CCDC30: variants seen among roughly 807,000 people sequenced by gnomAD.
The protein encoded by CCDC30 is coiled-coil domain-containing protein 30.
In CCDC30, 70 loss-of-function variants were observed where a neutral mutation model predicts 100.2. That is an observed-to-expected ratio of 0.70 (90% CI 0.58 to 0.85). CCDC30 has a LOEUF of 0.85. CCDC30 is among the 40% of genes least tolerant of loss of function. CCDC30 has a pLI of 0.00. For missense variants in CCDC30, 652 were observed against 771.2 expected (o/e 0.85, Z 1.83); for synonymous variants, 233 against 269.5 (o/e 0.86, Z 1.33).
chr1:42,589,503 T>C lies in CCDC30; in HGVS notation c.1164+20T>C. 6.2e-7 allele frequency: 1 copy of C among 1,601,110 alleles called. No homozygotes were observed. Among genetic ancestry groups the C allele is most frequent in the Non-Finnish European group, 8.6e-7 (1 of 1,169,386 alleles). On this transcript the variant is annotated intron_variant, in intron 10 of 16. Coordinates refer to ENST00000668663, the Ensembl canonical transcript of CCDC30. ...GATGAGGTAAGAAAGTAAATAGACATGCTTCTCAGTTTTCCTATTCCCATT... is the reference window on the plus strand; with the variant it reads ...GATGAGGTAAGAAAGTAAATAGACACGCTTCTCAGTTTTCCTATTCCCATT...
intron 6 of CCDC30, among the ~76,000 whole-genome samples, chr1:42,516,344 C>A (rs558868197): frequency 6.6e-6 from 1 of 151,984 alleles, no homozygotes; most frequent in African/African-American, 2.4e-5. Context: ...GAGGTGGTAC[C>A]GAGTGACAGG....
chr1:42,605,662 T>C (rs1175223393), intron 10 of CCDC30, among the ~76,000 whole-genome samples: 2 of 152,006 alleles, frequency 1.3e-5, no homozygotes, highest in Admixed American at 6.6e-5. Context: ...ATTATTATTA[T>C]TGCATGTAGA....
intron 6 of CCDC30, among the ~76,000 whole-genome samples, chr1:42,521,600 T>C (rs1223359599): frequency 6.6e-6 from 1 of 152,176 alleles, no homozygotes; most frequent in African/African-American, 2.4e-5. Flanking sequence ...TCAAGTCCTC[T>C]ATTTCCTTAC....
chr1:42,545,727 G>A lies in CCDC30; in HGVS notation c.457-20569G>A, dbSNP rs963318676. On this transcript the variant is annotated intron_variant, in intron 6 of 16. Coordinates refer to ENST00000668663, the Ensembl canonical transcript of CCDC30. ...TTCGGGAGACTGAGGCAGGCAGATC[G>A]CTTGAGCTCAGGAGTTTGAGACCAG... The A allele has an allele frequency of 5.2e-5, 24 of 462,926 alleles. No homozygotes were observed. In the East Asian group the frequency reaches 6.4e-4, roughly 12 times the overall value. The allele number at this position is 462,926 out of a possible 1,614,324, so 28.7% of individuals were successfully genotyped here.
intron 6 of CCDC30, among the ~76,000 whole-genome samples, chr1:42,501,328 T>C (rs1326991225): frequency 6.6e-6 from 1 of 152,244 alleles, no homozygotes; most frequent in Admixed American, 6.5e-5. Context: ...AAAACATTTA[T>C]AAAGATCCAC....
At chr1:42,634,024 G>C (rs992932203) in intron 11 of CCDC30, among the ~76,000 whole-genome samples, 8 of 152,028 alleles carry the variant, frequency 5.3e-5, no homozygotes, top group Non-Finnish European at 7.4e-5. Flanking sequence ...ACTGTCAATA[G>C]AACAGTATGG....
intron 6 of CCDC30, chr1:42,537,295 G>A (rs993320764): frequency 4.4e-6 from 2 of 455,618 alleles, no homozygotes; most frequent in Non-Finnish European, 8.8e-6. Flanking sequence ...CTGGAAGTGA[G>A]TTCATGGAAG....
chr1:42,619,327 G>T (rs931686852), intron 11 of CCDC30, among the ~76,000 whole-genome samples: 1 of 152,160 alleles, frequency 6.6e-6, no homozygotes, highest in Admixed American at 6.5e-5. Context: ...CTGCAAAAAC[G>T]CATTTAAGGG....
chr1:42,482,568 T>G (rs865780442), intron 2 of CCDC30, 95 bp from the exon 3 acceptor site: 7 of 686,254 alleles, frequency 1.0e-5, no homozygotes, highest in Non-Finnish European at 1.4e-5. Context: ...TATTGTTTGC[T>G]AATTTATTGG....
chr1:42,587,951 G>A (rs1263125895), intron 9 of CCDC30, among the ~76,000 whole-genome samples: 1 of 152,128 alleles, frequency 6.6e-6, no homozygotes, highest in East Asian at 1.9e-4. Flanking sequence ...GCTTTATTAG[G>A]GTGCCGCAGT....
intron 8 of CCDC30, chr1:42,580,710 T>C (rs545776299): frequency 2.7e-5 from 9 of 329,476 alleles, no homozygotes; most frequent in Admixed American, 1.5e-4. Context: ...TATAACAGTC[T>C]CTCTTTCAAA....
At chr1:42,587,879 G>T (rs1310026561) in intron 9 of CCDC30, among the ~76,000 whole-genome samples, 1 of 152,154 alleles carries the variant, frequency 6.6e-6, no homozygotes, top group Admixed American at 6.5e-5. Context: ...TTTGGTCTAG[G>T]TCCCATTGCT....
At chr1:42,457,967 A>C in the CCDC30 span, among the ~76,000 whole-genome samples, 5 of 151,712 alleles carry the variant, frequency 3.3e-5, no homozygotes, top group Admixed American at 6.6e-5. Flanking sequence ...AAAAAAAAAA[A>C]AAACACCAAA....
Position 42,493,510 on chromosome 1 carries a change from C to G in CCDC30, c.241+3281C>G, listed in dbSNP as rs190710941. 5.7e-3 allele frequency among the ~76,000 whole-genome samples: 872 copies of G among 152,212 alleles called. 2 individuals are homozygous for G. The highest frequency in any genetic ancestry group is 0.019 in the Admixed American group (286 of 15,296). ...AGGCTGAGGCAGTAGAATCTCGAAC[C>G]TGGGAGGCAGAGGTTGCAGTGACCG... On this transcript the variant is annotated intron_variant, in intron 4 of 16. Coordinates refer to ENST00000668663, the Ensembl canonical transcript of CCDC30.
chr1:42,584,238 A>G (rs1005227444), intron 9 of CCDC30, among the ~76,000 whole-genome samples: 2 of 152,214 alleles, frequency 1.3e-5, no homozygotes, highest in Admixed American at 1.3e-4. Flanking sequence ...AGACAAGTCA[A>G]AATGTTACAA....
In CCDC30 at chr1:42,545,503, T is replaced by C. The variant is rs1407007849; in HGVS notation, c.457-20793T>C. ...TAATTTAATTACAAGTGAAAATACC[T>C]GTAAAGATCCTGAATCTAATGAACC... On this transcript the variant is annotated intron_variant, in intron 6 of 16. Transcript: ENST00000668663. 1 of 1,607,520 alleles carries C rather than the reference T, an allele frequency of 6.2e-7. No individual in the cohort carries two copies. Among genetic ancestry groups the C allele is most frequent in the Non-Finnish European group, 8.5e-7 (1 of 1,177,790 alleles).
intron 1 of CCDC30, among the ~76,000 whole-genome samples, chr1:42,476,894 TG>T (rs199957400): frequency 4.4e-5 from 5 of 114,264 alleles, no homozygotes; most frequent in African/African-American, 1.4e-4. Flanking sequence ...TTTTTTTTTT[TG>T]TTTTTTTTTT....
At chr1:42,540,505 C>T (rs779578892) in intron 6 of CCDC30, among the ~76,000 whole-genome samples, 27 of 152,216 alleles carry the variant, frequency 1.8e-4, no homozygotes, top group Non-Finnish European at 2.2e-4. Context: ...TAATCTGGGT[C>T]TCCTTTTTTC....
At chr1:42,651,631 A>G (rs548729614) in intron 15 of CCDC30, among the ~76,000 whole-genome samples, 11 of 152,310 alleles carry the variant, frequency 7.2e-5, no homozygotes, top group Admixed American at 6.5e-4. Context: ...TGGGAGGCTG[A>G]GGTGGAAAGA....
Sources: gnomAD v4.1 joint callset for allele counts (sites outside exome capture counted in the v4.1 genomes callset) on GRCh38, gnomAD v4.1.1 for gene constraint, MANE v1.5 for transcripts, NCBI Gene and HGNC (gene_info 2026-07-23, HGNC 2026-07-21) for gene names.